Variants in SATL1 observed in about 807,000 individuals in gnomAD.
SATL1 encodes spermidine/spermine N(1)-acetyltransferase-like protein 1.
SATL1 carries 47 observed loss-of-function variants against 51.8 expected under a neutral mutation model. The ratio of observed to expected loss-of-function variants is 0.91; its 90% CI spans 0.72 to 1.16. The LOEUF (loss-of-function observed/expected upper bound fraction) is 1.16. SATL1 is among the 50% of genes most tolerant of loss of function. The pLI is 0.00. For missense variants in SATL1, 520 were observed against 526.4 expected, an observed-to-expected ratio of 0.99 and a Z score of 0.12; for synonymous variants, 176 against 182.4, an observed-to-expected ratio of 0.97 and a Z score of 0.28.
intron 2 of SATL1, among the ~76,000 whole-genome samples, chrX:85,109,910 T>C (rs565186169): frequency 9.0e-6 from 1 of 111,363 alleles, no homozygotes; most frequent in East Asian, 2.8e-4. Flanking sequence ...CTCGGGAGGC[T>C]GAGGCAGGAG....
intron 2 of SATL1, among the ~76,000 whole-genome samples, chrX:85,130,380 T>A (rs917754505): frequency 6.3e-5 from 7 of 111,342 alleles, no homozygotes. Flanking sequence ...CTTGGGAGAG[T>A]GTATGTGTCC....
rs748051221 is a variant in SATL1, at chrX:85,181,037, A to C, written c.-313+43168T>G. On this transcript the variant is annotated intron_variant, in intron 2 of 7. Transcript: ENST00000644105. ...ATAAAAATCGTTTAACAAGAGAAAA[A>C]TGTGTCATTTGATAAAAAACCTCAA... Among the ~76,000 whole-genome samples, 4 of 109,452 alleles carry C rather than the reference A, an allele frequency of 3.7e-5. No individual in the cohort carries two copies. In the South Asian group the frequency reaches 1.6e-3, roughly 43 times the overall value.
intron 2 of SATL1, among the ~76,000 whole-genome samples, chrX:85,148,808 G>A (rs1355727350): frequency 9.0e-6 from 1 of 111,407 alleles, no homozygotes; most frequent in Admixed American, 9.6e-5. Flanking sequence ...AAGAGCTCCT[G>A]AAGGAAGCAC....
chrX:85,111,737 C>A (rs781173774), intron 2 of SATL1, among the ~76,000 whole-genome samples: 2 of 111,988 alleles, frequency 1.8e-5, no homozygotes, highest in East Asian at 5.6e-4. Context: ...TTCCCAAATT[C>A]TTTTTCTAAA....
intron 2 of SATL1, among the ~76,000 whole-genome samples, chrX:85,150,971 T>C (rs1310322860): frequency 9.0e-6 from 1 of 111,270 alleles, no homozygotes; most frequent in African/African-American, 3.3e-5. Flanking sequence ...GCCAGGGTAA[T>C]CAGGCAGGAG....
chrX:85,174,727 T>A (rs934623060), intron 2 of SATL1, among the ~76,000 whole-genome samples: 5 of 111,754 alleles, frequency 4.5e-5, no homozygotes, highest in Non-Finnish European at 9.4e-5. Context: ...AGTGTAAATT[T>A]TCTCTCAACT....
At chrX:85,164,922 C>T (rs146362273) in intron 2 of SATL1, among the ~76,000 whole-genome samples, 1,182 of 110,275 alleles carry the variant, frequency 0.011, 6 homozygotes, top group Non-Finnish European at 0.016. Context: ...CGGGCTTTCT[C>T]CATGTTGGTC....
intron 2 of SATL1, among the ~76,000 whole-genome samples, chrX:85,111,608 A>C (rs1166748190): frequency 1.8e-5 from 2 of 112,460 alleles, no homozygotes; most frequent in Non-Finnish European, 3.8e-5. Flanking sequence ...TGTTTATTTT[A>C]ATTTGAAGTT....
At chrX:85,124,223 C>T (rs1925569025) in intron 2 of SATL1, among the ~76,000 whole-genome samples, 1 of 110,460 alleles carries the variant, frequency 9.1e-6, no homozygotes, top group Admixed American at 9.7e-5. Context: ...TTAATATTAC[C>T]CCCAGGCATA....
intron 2 of SATL1, among the ~76,000 whole-genome samples, chrX:85,135,021 G>T (rs1418451688): frequency 8.9e-6 from 1 of 112,034 alleles, no homozygotes; most frequent in African/African-American, 3.3e-5. Context: ...CATGTCCTTT[G>T]CAGGGACATG....
At chrX:85,222,476 A>C (rs936058429) in intron 2 of SATL1, among the ~76,000 whole-genome samples, 7 of 111,458 alleles carry the variant, frequency 6.3e-5, no homozygotes, top group African/African-American at 2.3e-4. Flanking sequence ...TACCTGTCTT[A>C]CCTGACTTTT....
chrX:85,176,470 A>G (rs1021797253), intron 2 of SATL1, among the ~76,000 whole-genome samples: 1 of 111,672 alleles, frequency 9.0e-6, no homozygotes, highest in African/African-American at 3.2e-5. Context: ...GCCTACTAAG[A>G]GAGCCTGGTT....
At chrX:85,220,564 C>A (rs1384268741) in intron 2 of SATL1, among the ~76,000 whole-genome samples, 2 of 98,952 alleles carry the variant, frequency 2.0e-5, no homozygotes, top group African/African-American at 3.8e-5. Context: ...GATACCAGCT[C>A]AGCCACAGCA....
intron 2 of SATL1, among the ~76,000 whole-genome samples, chrX:85,127,151 C>G (rs1344234903): frequency 9.0e-6 from 1 of 110,788 alleles, no homozygotes; most frequent in African/African-American, 3.3e-5. Flanking sequence ...AGTCAAAAGA[C>G]TTGAATACTA....
rs192600287 is a variant in SATL1 at position 85,167,191 on chromosome X, C to T, written c.-313+57014G>A. Among the ~76,000 whole-genome samples, 389 of 104,625 alleles carry T rather than the reference C, an allele frequency of 3.7e-3. 1 individual carries two copies. The South Asian group carries it at 0.049, about 13-fold the overall frequency. 90.9% of individuals were successfully genotyped at this position (104,625 alleles called of 115,157 possible). A position where few individuals can be genotyped will look rare whatever the true frequency, so the allele number is the denominator to read the frequency against. ...TTCTCACTTGTAAGCCGGAGCTAAG[C>T]TGTGAGGACACAAAAGCATACGGAT... On this transcript the variant is annotated intron_variant, in intron 2 of 7. Coordinates refer to ENST00000644105, the MANE Select transcript of SATL1 (RefSeq NM_001367857.2).
intron 2 of SATL1, among the ~76,000 whole-genome samples, chrX:85,170,894 A>C (rs185224097): frequency 9.0e-6 from 1 of 111,730 alleles, no homozygotes; most frequent in Non-Finnish European, 1.9e-5. Context: ...GGGACATACA[A>C]CAGAAATTAT....
intron 2 of SATL1, among the ~76,000 whole-genome samples, chrX:85,196,864 A>C (rs1277908241): frequency 8.9e-6 from 1 of 111,956 alleles, no homozygotes; most frequent in African/African-American, 3.2e-5. Flanking sequence ...CAAAAACCTA[A>C]ATGTAAGGAG....
intron 1 of SATL1, among the ~76,000 whole-genome samples, chrX:85,241,885 G>A (rs1209736423): frequency 1.8e-5 from 2 of 111,963 alleles, no homozygotes; most frequent in East Asian, 5.6e-4. Flanking sequence ...AGTGAAAATG[G>A]AATGGGGAGA....
At chrX:85,144,560 G>A (rs1926185152) in intron 2 of SATL1, among the ~76,000 whole-genome samples, 1 of 111,965 alleles carries the variant, frequency 8.9e-6, no homozygotes, top group Non-Finnish European at 1.9e-5. Flanking sequence ...TCTTGGAATT[G>A]CAGTTTCTGT....
Sources: allele counts gnomAD v4.1 joint callset (sites outside exome capture counted in the v4.1 genomes callset), GRCh38; gene constraint gnomAD v4.1.1; transcripts MANE v1.5; gene names NCBI Gene and HGNC (gene_info 2026-07-23, HGNC 2026-07-21).